HIRA: variants seen among roughly 807,000 people sequenced by gnomAD.
HIRA encodes the protein histone cell cycle regulator.
A neutral mutation model predicts 126.6 loss-of-function variants in HIRA; 13 were observed. That is an observed-to-expected ratio of 0.10 (90% confidence interval 0.07 to 0.16). The LOEUF is 0.16. Among genes scored for constraint, HIRA ranks in the 10% least tolerant of loss-of-function variants. HIRA has a pLI of 1.00. For synonymous variants in HIRA, 511 were observed against 520.0 expected (o/e 0.98, Z 0.24); for missense variants, 834 against 1,314.4 (o/e 0.63, Z 5.65).
At chr22:19,355,000 T>C (rs191608514) in intron 21 of HIRA, among the ~76,000 whole-genome samples, 8 of 151,984 alleles carry the variant, frequency 5.3e-5, no homozygotes, top group African/African-American at 1.9e-4. Flanking sequence ...CTCAAACTCA[T>C]GGGATCAAGC....
intron 23 of HIRA, 101 bp downstream of exon 23, chr22:19,353,255 G>A: frequency 7.0e-7 from 1 of 1,421,058 alleles, no homozygotes; most frequent in Non-Finnish European, 9.8e-7. Context: ...AGAGGCTGCT[G>A]GGCCATCACA....
intron 24 of HIRA, among the ~76,000 whole-genome samples, chr22:19,348,836 G>A (rs941659871): frequency 3.3e-5 from 5 of 150,488 alleles, no homozygotes; most frequent in African/African-American, 4.9e-5. Flanking sequence ...CGCTCTTGTC[G>A]CCCAGGCTGG....
intron 17 of HIRA, among the ~76,000 whole-genome samples, chr22:19,360,023 G>C (rs998260110): frequency 6.6e-6 from 1 of 152,154 alleles, no homozygotes; most frequent in Non-Finnish European, 1.5e-5. Context: ...AACTGGCAGG[G>C]GTGTTTATGG....
chr22:19,331,082 C>A lies in HIRA; in HGVS notation c.*358G>T. 2 of 1,172,408 alleles carry A rather than the reference C, an allele frequency of 1.7e-6. No individual in the cohort carries two copies. Among genetic ancestry groups the A allele is most frequent in the Non-Finnish European group, 2.2e-6 (2 of 914,962 alleles). The allele number at this position is 1,172,408 out of a possible 1,614,324, so 72.6% of individuals were successfully genotyped here. A position where few individuals can be genotyped will look rare whatever the true frequency, so the allele number is the denominator to read the frequency against. On this transcript the variant is annotated 3_prime_UTR_variant, in exon 25 of 25. Transcript: ENST00000263208. ...TCTCTCACAAATGGCTCAATCGTCA[C>A]TGCTGAAGCAGCATGGTGCCTGCAG... is the stretch of plus-strand genomic sequence containing the variant.
chr22:19,334,007 A>ATCTG (rs1223025893), intron 24 of HIRA, among the ~76,000 whole-genome samples: 12 of 150,560 alleles, frequency 8.0e-5, no homozygotes, highest in Admixed American at 2.7e-4. Context: ...TGGAGCCTCG[A>ATCTG]TCTGTCGCCC....
At chr22:19,342,547 T>C (rs1204068676) in intron 24 of HIRA, among the ~76,000 whole-genome samples, 28 of 152,244 alleles carry the variant, frequency 1.8e-4, no homozygotes, top group Admixed American at 7.8e-4. Context: ...CCACCATGGT[T>C]GGCTAATTTT....
intron 15 of HIRA, among the ~76,000 whole-genome samples, chr22:19,368,191 T>A (rs1349193780): frequency 6.6e-6 from 1 of 152,176 alleles, no homozygotes; most frequent in East Asian, 1.9e-4. Flanking sequence ...TCCCTGCTAG[T>A]CACCTGGGTC....
chr22:19,403,652 TA>T (rs1298184970), intron 5 of HIRA, among the ~76,000 whole-genome samples: 3 of 152,140 alleles, frequency 2.0e-5, no homozygotes, highest in Non-Finnish European at 4.4e-5. Context: ...TTTCAAGTGT[TA>T]TTATATTTAC....
intron 15 of HIRA, among the ~76,000 whole-genome samples, chr22:19,364,076 T>C (rs2088890618): frequency 6.6e-6 from 1 of 151,788 alleles, no homozygotes; most frequent in Non-Finnish European, 1.5e-5. Context: ...TATGGGTATG[T>C]TGGGGAGGCG....
At chr22:19,395,012 G>A (rs2089211444) in intron 7 of HIRA, among the ~76,000 whole-genome samples, 1 of 152,236 alleles carries the variant, frequency 6.6e-6, no homozygotes, top group African/African-American at 2.4e-5. Context: ...TGAGCCTGTT[G>A]CCTCACCCAA....
chr22:19,426,917 T>C (rs1184714491), intron 1 of HIRA, among the ~76,000 whole-genome samples: 3 of 152,158 alleles, frequency 2.0e-5, no homozygotes, highest in Non-Finnish European at 2.9e-5. Flanking sequence ...TAGGAAGAGA[T>C]GGAAAAACTT....
In HIRA at chr22:19,331,214, C is replaced by A; in HGVS notation, c.*226G>T. ...CAGAGCTCCAGCCCTAGCTCCGCAT[C>A]GGGGGCTTGGAGGGAGGGATGAGCT... On this transcript the variant is annotated 3_prime_UTR_variant, in exon 25 of 25. Coordinates refer to ENST00000263208, the MANE Select transcript of HIRA (RefSeq NM_003325.4). 1.4e-6 allele frequency: 2 copies of A among 1,458,974 alleles called. No individual in the cohort carries two copies. Among genetic ancestry groups the A allele is most frequent in the South Asian group, 2.4e-5 (2 of 82,554 alleles). 90.4% of individuals were successfully genotyped at this position (1,458,974 alleles called of 1,614,324 possible). A position where few individuals can be genotyped will look rare whatever the true frequency, so the allele number is the denominator to read the frequency against.
intron 15 of HIRA, 25 bp from the exon 16 acceptor site, chr22:19,361,956 T>C: frequency 6.2e-7 from 1 of 1,606,480 alleles, no homozygotes; most frequent in Non-Finnish European, 8.5e-7. Flanking sequence ...TACATCACAC[T>C]TCCCTTCAGA....
chr22:19,331,070 G>C lies in HIRA; in HGVS notation c.*370C>G. ...GCTTCCGGATTCTCTCTCACAAATG[G>C]CTCAATCGTCACTGCTGAAGCAGCA... On this transcript the variant is annotated 3_prime_UTR_variant, in exon 25 of 25. Transcript: ENST00000263208. 1 of 1,084,582 alleles carries C rather than the reference G, an allele frequency of 9.2e-7. No individual in the cohort carries two copies. The allele number at this position is 1,084,582 out of a possible 1,614,324, so 67.2% of individuals were successfully genotyped here. A position where few individuals can be genotyped will look rare whatever the true frequency, so the allele number is the denominator to read the frequency against.
Position 19,383,617 on chromosome 22 carries a change from T to C in HIRA, c.1415+3A>G. On this transcript the variant is annotated splice_donor_region_variant and intron_variant, in intron 13 of 24. Coordinates refer to ENST00000263208, the MANE Select transcript of HIRA (RefSeq NM_003325.4). Reference sequence around the variant, plus strand: ...AGACCATGAAAGGGGAATGAACCAGTACCCAGTGTCCAGCTGTGCTATGCA... The same window carrying C: ...AGACCATGAAAGGGGAATGAACCAGCACCCAGTGTCCAGCTGTGCTATGCA... 6.2e-7 allele frequency: 1 copy of C among 1,609,974 alleles called. No individual in the cohort carries two copies.
intron 1 of HIRA, among the ~76,000 whole-genome samples, chr22:19,421,013 G>A (rs2089441747): frequency 6.6e-6 from 1 of 152,048 alleles, no homozygotes; most frequent in Admixed American, 6.6e-5. Context: ...AAAATGCACA[G>A]CAGGCTGGGC....
intron 1 of HIRA, among the ~76,000 whole-genome samples, chr22:19,421,108 G>A (rs965773279): frequency 7.2e-5 from 11 of 152,138 alleles, no homozygotes; most frequent in Admixed American, 5.9e-4. Context: ...AACCAGCCTG[G>A]CCAACATGGT....
intron 3 of HIRA, 48 bp downstream of exon 3, chr22:19,408,435 G>A: frequency 2.5e-6 from 3 of 1,189,068 alleles, no homozygotes; most frequent in Non-Finnish European, 3.8e-6. Context: ...TGCTAACCTT[G>A]GGCACTCTGC....
chr22:19,362,100 A>G (rs561990190), intron 15 of HIRA, among the ~76,000 whole-genome samples, 169 bp from the exon 16 acceptor site: 2 of 152,368 alleles, frequency 1.3e-5, no homozygotes, highest in Admixed American at 6.5e-5. Context: ...TCAGACAAAA[A>G]TAAACAAAGA....
Sources: gnomAD v4.1 joint callset for allele counts (sites outside exome capture counted in the v4.1 genomes callset) on GRCh38, gnomAD v4.1.1 for gene constraint, MANE v1.5 for transcripts, NCBI Gene and HGNC (gene_info 2026-07-23, HGNC 2026-07-21) for gene names.